Variants in USP42 observed in about 807,000 individuals in gnomAD.
The protein encoded by USP42 is ubiquitin specific peptidase 42, also known as ubiquitin carboxyl-terminal hydrolase 42.
A neutral mutation model predicts 113.0 loss-of-function variants in USP42; 23 were observed. The observed-to-expected ratio is 0.20, with a 90% CI of 0.15 to 0.29. USP42 has a LOEUF of 0.29. Ranked by LOEUF, USP42 falls within the 10% of genes least tolerant of loss-of-function variation. The pLI is 1.00. For synonymous variants in USP42, 933 were observed against 699.0 expected, an observed-to-expected ratio of 1.33 and a Z score of -5.28; for missense variants, 2,174 against 1,779.8, an observed-to-expected ratio of 1.22 and a Z score of -3.99.
chr7:6,152,917 AAGG>A (rs1189172275), intron 14 of USP42: 2 of 985,216 alleles, frequency 2.0e-6, no homozygotes, highest in Admixed American at 6.1e-5. Flanking sequence ...GTCGAGAGGA[AAGG>A]AGGAGGCCCT....
At chr7:6,126,706 C>A (rs760380793) in intron 3 of USP42, among the ~76,000 whole-genome samples, 3 of 151,386 alleles carry the variant, frequency 2.0e-5, no homozygotes, top group Non-Finnish European at 4.4e-5. Flanking sequence ...TTTGGGATAT[C>A]GTGAGTAGAG....
rs1296537437 is a variant in USP42, at chr7:6,156,935, G to A, written c.3823G>A (p.Gly1275Ser). The change falls in exon 16 of 18, where the codon GGT (glycine) becomes AGT (serine). Residue 1275 changes from glycine (G) to serine (S), a missense_variant. Coordinates refer to ENST00000306177, the MANE Select transcript of USP42 (RefSeq NM_032172.3). Reference sequence around the variant, plus strand: ...TGTCGCCCAGTTCCGGAGAGCCCAGGGTGGCTTTCCTCTCTCTGGTGGCCC... The same window carrying A: ...TGTCGCCCAGTTCCGGAGAGCCCAGAGTGGCTTTCCTCTCTCTGGTGGCCC... ...ETVAQFRRAQGGFPLSGGPPL... is the reference protein window; with the variant it reads ...ETVAQFRRAQSGFPLSGGPPL... The A allele has an allele frequency of 6.2e-7, 1 of 1,613,938 alleles. No individual in the cohort carries two copies.
chr7:6,107,456 C>G (rs1392143403), intron 1 of USP42, among the ~76,000 whole-genome samples: 1 of 146,438 alleles, frequency 6.8e-6, no homozygotes, highest in African/African-American at 2.5e-5. Context: ...ACTGCCCAGG[C>G]TGGAGGGCAA....
chr7:6,152,492 A>G (rs1346820078), intron 14 of USP42, among the ~76,000 whole-genome samples: 1 of 152,310 alleles, frequency 6.6e-6, no homozygotes. Flanking sequence ...GCAACCCCAG[A>G]ATGGCCCCCG....
intron 3 of USP42, among the ~76,000 whole-genome samples, chr7:6,121,043 T>A (rs1780199204): frequency 6.6e-6 from 1 of 152,168 alleles, no homozygotes; most frequent in Admixed American, 6.5e-5. Context: ...TTTTTTTTTT[T>A]AAGATCCCTT....
At chr7:6,128,283 G>A (rs1310541970) in intron 3 of USP42, 1 of 145,532 alleles carries the variant, frequency 6.9e-6, no homozygotes, top group South Asian at 2.2e-4. Context: ...TCCTCCTTGA[G>A]ATGAGGTCTC....
the USP42 span, among the ~76,000 whole-genome samples, chr7:6,083,240 T>G: frequency 1.5e-5 from 2 of 129,922 alleles, no homozygotes; most frequent in Non-Finnish European, 3.3e-5. Flanking sequence ...ATTTATTTAT[T>G]TATTTATTTA....
chr7:6,145,126 G>A lies in USP42; in HGVS notation c.991-390G>A, dbSNP rs564075231. 8.5e-5 allele frequency among the ~76,000 whole-genome samples: 13 copies of A among 152,048 alleles called. No homozygotes were observed. The East Asian group carries it at 1.4e-3, about 16-fold the overall frequency. On this transcript the variant is annotated intron_variant, in intron 9 of 17. Coordinates refer to ENST00000306177, the MANE Select transcript of USP42 (RefSeq NM_032172.3). ...AGCTGGGTGGATCACGAGGTCAGGC[G>A]TTCAAGACCAGCCTAGCCAAGATGG...
Position 6,133,025 on chromosome 7 carries a change from G to A in USP42, c.443-2816G>A, listed in dbSNP as rs186291564. ...AGATTTTTATCACTGGTTGTAAGTA[G>A]GGGTCCTTTGTGTAGTTTTCTTCAT... On this transcript the variant is annotated intron_variant, in intron 3 of 17. Transcript: ENST00000306177. Among the ~76,000 whole-genome samples the A allele has an allele frequency of 2.6e-5, 4 of 152,252 alleles. No homozygotes were observed. The East Asian group carries it at 5.8e-4, about 22-fold the overall frequency.
At chr7:6,144,051 G>C in intron 8 of USP42, 34 bp from the exon 9 acceptor site, 3 of 1,356,616 alleles carry the variant, frequency 2.2e-6, no homozygotes, top group Middle Eastern at 4.2e-4. Context: ...GTATATATTC[G>C]TCTTCTTATA....
chr7:6,084,450 G>A, the USP42 span: 1 of 151,234 alleles, frequency 6.6e-6, no homozygotes, highest in African/African-American at 2.5e-5. Context: ...CAACCTGCCG[G>A]ACACTAAAGG....
intron 7 of USP42, among the ~76,000 whole-genome samples, chr7:6,141,521 A>C (rs188376367): frequency 2.2e-4 from 34 of 151,774 alleles, no homozygotes; most frequent in Non-Finnish European, 4.1e-4. Flanking sequence ...TATCTTAATA[A>C]AACTAGATTT....
At position 6,158,949 on chromosome 7, in the gene USP42, G is replaced by A. The variant is rs2128528684; in HGVS notation, c.3944-501G>A. 6.6e-6 allele frequency among the ~76,000 whole-genome samples: 1 copy of A among 152,298 alleles called. No individual in the cohort carries two copies. Among genetic ancestry groups the A allele is most frequent in the Middle Eastern group, 3.4e-3 (1 of 294 alleles). ...GGTGCTGTGGTCAGGCGTTGTCTGTGTGGTGGCCCTGTGTTTCCGTCCCCG... is the reference window on the plus strand; with the variant it reads ...GGTGCTGTGGTCAGGCGTTGTCTGTATGGTGGCCCTGTGTTTCCGTCCCCG... On this transcript the variant is annotated intron_variant, in intron 16 of 17. Transcript: ENST00000306177. The surrounding 1 kb of genome is among the most constrained non-coding windows in gnomAD (Gnocchi z 4.2).
intron 3 of USP42, among the ~76,000 whole-genome samples, chr7:6,120,403 T>C (rs1780154751): frequency 6.6e-6 from 1 of 152,008 alleles, no homozygotes; most frequent in African/African-American, 2.4e-5. Flanking sequence ...CCATCACTTC[T>C]AGCTAATTTT....
Position 6,154,752 on chromosome 7 carries a change from C to T in USP42, c.3198C>T (p.Tyr1066=), listed in dbSNP as rs73058659. The change falls in exon 15 of 18, where the codon TAC becomes TAT. Residue 1066 remains tyrosine (Y), a synonymous_variant. Transcript: ENST00000306177. ...WDRCRYYHDR[Y]ALYAARDWKP... ...GGTGCCGGTACTACCATGACAGGTA[C>T]GCCCTGTACGCTGCCCGGGACTGGA... 0.11 allele frequency: 177,716 copies of T among 1,564,148 alleles called. 11,509 individuals are homozygous for T. Among genetic ancestry groups the T allele is most frequent in the Non-Finnish European group, 0.14 (156,476 of 1,156,100 alleles).
chr7:6,113,784 G>A (rs1452110848), intron 2 of USP42, among the ~76,000 whole-genome samples: 1 of 152,022 alleles, frequency 6.6e-6, no homozygotes, highest in East Asian at 1.9e-4. Context: ...ACCACACCTG[G>A]CTAATTTTTT....
chr7:6,099,780 T>A, the USP42 span, among the ~76,000 whole-genome samples: 1 of 150,708 alleles, frequency 6.6e-6, no homozygotes, highest in Non-Finnish European at 1.5e-5. Flanking sequence ...CTTGCCAATA[T>A]GGTGAAACCC....
intron 3 of USP42, chr7:6,116,462 T>C: frequency 4.9e-6 from 1 of 205,288 alleles, no homozygotes; most frequent in Non-Finnish European, 9.7e-6. Context: ...TCCTTCATTC[T>C]TTATAAATGC....
chr7:6,129,939 C>G (rs1448792810), intron 3 of USP42, among the ~76,000 whole-genome samples: 1 of 150,622 alleles, frequency 6.6e-6, no homozygotes, highest in Admixed American at 6.6e-5. Context: ...TTGAGAAATT[C>G]TTAGTTCTCA....
Sources: gnomAD v4.1 joint callset for allele counts (sites outside exome capture counted in the v4.1 genomes callset) on GRCh38, gnomAD v4.1.1 for gene constraint, Gnocchi (gnomAD v3.1) non-coding constraint, MANE v1.5 for transcripts, NCBI Gene and HGNC (gene_info 2026-07-23, HGNC 2026-07-21) for gene names.